REPS2: variants seen among roughly 807,000 people sequenced by gnomAD.
The protein encoded by REPS2 is RALBP1 associated Eps domain containing 2, also known as ralBP1-associated Eps domain-containing protein 2.
A neutral mutation model predicts 53.6 loss-of-function variants in REPS2; 23 were observed. The ratio of observed to expected loss-of-function variants is 0.43; its 90% CI spans 0.31 to 0.61. The LOEUF (loss-of-function observed/expected upper bound fraction) is 0.61. REPS2 is among the 20% of genes least tolerant of loss of function. The probability of loss-of-function intolerance (pLI) is 0.11; values close to 1 mark genes in which losing one functional copy is unlikely to be tolerated. For synonymous variants in REPS2, 238 were observed against 218.6 expected (o/e 1.09, Z -0.78); for missense variants, 446 against 534.9 (o/e 0.83, Z 1.64).
chrX:17,006,323 C>T lies in REPS2; in HGVS notation c.376C>T (p.Arg126Trp), dbSNP rs772735900. ...IAAAQSGLPV[R>W]IESIKCELPL... Reference sequence around the variant, plus strand: ...TGCAGCACAATCTGGCCTCCCGGTACGGATAGAGAGTATTAAATGTGGTGA... The same window carrying T: ...TGCAGCACAATCTGGCCTCCCGGTATGGATAGAGAGTATTAAATGTGGTGA... The change falls in exon 2 of 18, where the codon CGG becomes TGG. Residue 126 changes from arginine to tryptophan, a missense_variant. By Grantham distance (101) the Arg-to-Trp change is moderately radical (BLOSUM62 -3). Transcript: ENST00000357277. 21 of 1,208,015 alleles carry T rather than the reference C, an allele frequency of 1.7e-5. No homozygotes were observed. The highest frequency in any genetic ancestry group is 5.3e-5 in the African/African-American group (3 of 57,086).
intron 13 of REPS2, among the ~76,000 whole-genome samples, chrX:17,092,263 A>G (rs1261835815): frequency 2.7e-5 from 3 of 112,290 alleles, no homozygotes; most frequent in Middle Eastern, 4.6e-3. Flanking sequence ...GTTTATGAAT[A>G]ACATTTTACC....
intron 13 of REPS2, among the ~76,000 whole-genome samples, chrX:17,101,248 G>C (rs1389649269): frequency 6.4e-5 from 7 of 108,702 alleles, no homozygotes; most frequent in Non-Finnish European, 9.5e-5. Context: ...ATTTTTAGTA[G>C]AGATGGGGTT....
chrX:17,125,659 G>A (rs1413798472), intron 14 of REPS2, among the ~76,000 whole-genome samples: 1 of 112,578 alleles, frequency 8.9e-6, no homozygotes, highest in Non-Finnish European at 1.9e-5. Context: ...TGATGTGCTT[G>A]AAGATTTGGG....
rs142036427 is a variant in REPS2 at position 17,144,000 on chromosome X, C to T, written c.1915-3413C>T. Among the ~76,000 whole-genome samples the T allele has an allele frequency of 5.0e-3, 560 of 112,564 alleles. 5 individuals carry two copies. The highest frequency in any genetic ancestry group is 0.016 in the African/African-American group (511 of 31,000). Reference sequence around the variant, plus strand: ...AAACACTGATTAGAAGTTCATTGTACGTTGTAAGGCTTGTCAACTCTGAGC... The same window carrying T: ...AAACACTGATTAGAAGTTCATTGTATGTTGTAAGGCTTGTCAACTCTGAGC... On this transcript the variant is annotated intron_variant, in intron 17 of 17. Transcript: ENST00000357277.
At chrX:16,962,898 C>A (rs1038679302) in intron 1 of REPS2, among the ~76,000 whole-genome samples, 1 of 110,762 alleles carries the variant, frequency 9.0e-6, no homozygotes, top group Non-Finnish European at 1.9e-5. Flanking sequence ...AGTTTAAGAC[C>A]AGCCTGGGCA....
At chrX:17,092,678 TCTTGC>T (rs1438799287) in intron 13 of REPS2, among the ~76,000 whole-genome samples, 2 of 108,242 alleles carry the variant, frequency 1.8e-5, no homozygotes, top group African/African-American at 6.7e-5. Context: ...TCTCTCGTCT[TCTTGC>T]CTTCTTTTCC....
At chrX:17,127,256 C>A (rs2063226281) in intron 14 of REPS2, among the ~76,000 whole-genome samples, 1 of 112,067 alleles carries the variant, frequency 8.9e-6, no homozygotes, top group Non-Finnish European at 1.9e-5. Context: ...GAATTAGGTT[C>A]CTTTTCCCCA....
intron 14 of REPS2, among the ~76,000 whole-genome samples, chrX:17,113,033 A>G (rs1168098981): frequency 4.5e-5 from 4 of 89,705 alleles, no homozygotes; most frequent in African/African-American, 1.7e-4. Context: ...CGGAGCTTGC[A>G]GTGAGCCAAG....
At chrX:16,983,221 C>G (rs750760856) in intron 1 of REPS2, among the ~76,000 whole-genome samples, 22 of 112,128 alleles carry the variant, frequency 2.0e-4, no homozygotes, top group Admixed American at 4.7e-4. Flanking sequence ...ATACAGCACA[C>G]AGGGTGGTCT....
rs939152520 is a variant in REPS2 at position 17,149,079 on chromosome X, T to C, written c.*1598T>C. 2 of 312,689 alleles carry C rather than the reference T, an allele frequency of 6.4e-6. No homozygotes were observed. The highest frequency in any genetic ancestry group is 1.2e-5 in the Non-Finnish European group (2 of 162,070). The allele number at this position is 312,689 out of a possible 1,213,427, so 25.8% of individuals were successfully genotyped here. ...CAGAAAAACAAATTGTTGAATCTAT[T>C]CCGTGCATATTTAAGGATTTTGAAT... On this transcript the variant is annotated 3_prime_UTR_variant, in exon 18 of 18. Transcript: ENST00000357277.
intron 1 of REPS2, among the ~76,000 whole-genome samples, chrX:16,953,078 AAAAC>A (rs750415093): frequency 3.2e-3 from 349 of 109,112 alleles, no homozygotes; most frequent in Non-Finnish European, 5.2e-3. Flanking sequence ...CTCTGTCTCA[AAAAC>A]AAACAAACCA....
At chrX:17,011,916 T>G (rs769312727) in intron 2 of REPS2, among the ~76,000 whole-genome samples, 7 of 101,875 alleles carry the variant, frequency 6.9e-5, no homozygotes, top group African/African-American at 2.2e-4. Flanking sequence ...GAGTCGAGAT[T>G]GTGCCACTGC....
intron 13 of REPS2, among the ~76,000 whole-genome samples, chrX:17,094,811 G>T (rs1304570458): frequency 1.8e-5 from 2 of 110,866 alleles, no homozygotes; most frequent in East Asian, 5.6e-4. Flanking sequence ...CTACCCCATT[G>T]TCTCTTTTCT....
At chrX:16,989,943 C>T (rs2061141641) in intron 1 of REPS2, among the ~76,000 whole-genome samples, 1 of 112,071 alleles carries the variant, frequency 8.9e-6, no homozygotes, top group Non-Finnish European at 1.9e-5. Flanking sequence ...GCATTTATCC[C>T]AGAGAAGTGA....
chrX:16,966,651 T>G lies in REPS2; in HGVS notation c.273+19517T>G, dbSNP rs139214228. 8.0e-3 allele frequency among the ~76,000 whole-genome samples: 895 copies of G among 112,174 alleles called. 13 individuals are homozygous for G. The highest frequency in any genetic ancestry group is 0.028 in the African/African-American group (867 of 30,896). On this transcript the variant is annotated intron_variant, in intron 1 of 17. Transcript: ENST00000357277. ...TGACTTCATGTCAACACTCAGAAAC[T>G]TTCACATTTTGGAGCATTTTGGATT...
chrX:16,989,267 C>A (rs1054529528), intron 1 of REPS2, among the ~76,000 whole-genome samples: 18 of 102,125 alleles, frequency 1.8e-4, no homozygotes, highest in African/African-American at 6.1e-4. Flanking sequence ...AAAAAAAAAA[C>A]TCTTGCTGTA....
At chrX:16,983,655 A>G (rs932342737) in intron 1 of REPS2, among the ~76,000 whole-genome samples, 1 of 112,269 alleles carries the variant, frequency 8.9e-6, no homozygotes, top group Non-Finnish European at 1.9e-5. Context: ...GGCATGCGCC[A>G]CCATGCCCAG....
chrX:17,083,077 CTTTTTTTT>C (rs746229224), intron 13 of REPS2, among the ~76,000 whole-genome samples: 19 of 80,582 alleles, frequency 2.4e-4, no homozygotes, highest in African/African-American at 1.0e-3. Flanking sequence ...GTTCCGAGCA[CTTTTTTTT>C]TTTTTTTTTT....
chrX:16,964,251 C>G (rs1456203313), intron 1 of REPS2, among the ~76,000 whole-genome samples: 1 of 109,119 alleles, frequency 9.2e-6, no homozygotes, highest in Non-Finnish European at 1.9e-5. Context: ...ATGCTGCCTT[C>G]AAGCATCTGT....
Sources: gnomAD v4.1 joint callset for allele counts (sites outside exome capture counted in the v4.1 genomes callset) on GRCh38, gnomAD v4.1.1 for gene constraint, MANE v1.5 for transcripts, NCBI Gene and HGNC (gene_info 2026-07-23, HGNC 2026-07-21) for gene names.